The following DSG2 variants were observed in gnomAD, a reference collection of about 807,000 sequenced individuals.
The protein encoded by DSG2 is desmoglein 2.
Under a neutral mutation model 75.6 loss-of-function variants are expected in DSG2, and 45 were observed. The ratio of observed to expected loss-of-function variants is 0.60; its 90% confidence interval spans 0.47 to 0.76. The LOEUF is 0.76. Among genes scored for constraint, DSG2 ranks in the 30% least tolerant of loss-of-function variants. The pLI, the probability that DSG2 is intolerant of heterozygous loss-of-function variation, is 0.00. For synonymous variants in DSG2, 429 were observed against 483.9 expected (o/e 0.89, Z 1.49); for missense variants, 1,267 against 1,357.4 (o/e 0.93, Z 1.05).
At chr18:31,520,689 TA>T in intron 3 of DSG2, 113 bp from the exon 4 acceptor site, 2 of 1,150,572 alleles carry the variant, frequency 1.7e-6, no homozygotes, top group South Asian at 1.4e-5. Context: ...AAATTGTCCA[TA>T]AAAATATTTA....
At position 31,503,163 on chromosome 18, in the gene DSG2, A is replaced by G. The variant is rs551499814; in HGVS notation, c.45+4867A>G. Among the ~76,000 whole-genome samples the G allele has an allele frequency of 3.9e-5, 6 of 152,320 alleles. No homozygotes were observed. In the East Asian group the frequency reaches 1.2e-3, roughly 29 times the overall value. ...GCAATGTGCTAAACACTGGAGAACT[A>G]TAAAAAAGCCAGACATGTTCTGCCC... is the stretch of plus-strand genomic sequence containing the variant. On this transcript the variant is annotated intron_variant, in intron 1 of 14. Transcript: ENST00000261590.
rs2073020589 is a variant in DSG2, at chr18:31,502,801, GAAGA to G, written c.45+4509_45+4512del. ...GAAAGGAAGGGAGGGAGGGAGGAAG[GAAGA>G]AAGGAAGGAAGGAACTTTAACTGAA... On this transcript the variant is annotated intron_variant, in intron 1 of 14. Transcript: ENST00000261590. 4.6e-5 allele frequency among the ~76,000 whole-genome samples: 7 copies of G among 151,986 alleles called. No homozygotes were observed. In the South Asian group the frequency reaches 1.5e-3, roughly 32 times the overall value.
intron 1 of DSG2, among the ~76,000 whole-genome samples, chr18:31,500,036 T>TTAA (rs762858985): frequency 1.5e-4 from 17 of 110,946 alleles, no homozygotes; most frequent in Admixed American, 4.0e-4. Context: ...AGTTTTTTGG[T>TTAA]AAAAAAAAAA....
intron 6 of DSG2, among the ~76,000 whole-genome samples, chr18:31,524,079 T>G (rs148319942): frequency 1.1e-4 from 17 of 152,350 alleles, no homozygotes; most frequent in African/African-American, 4.1e-4. Context: ...CCAAGTTTAT[T>G]TAGGACCAGC....
At position 31,542,755 on chromosome 18, in the gene DSG2, A is replaced by G; in HGVS notation, c.2237A>G (p.Lys746Arg). The G allele has an allele frequency of 1.9e-6, 3 of 1,614,034 alleles. No individual in the cohort carries two copies. The change falls in exon 14 of 15, where the codon AAG becomes AGG. Residue 746 changes from lysine to arginine, a missense_variant. Coordinates refer to ENST00000261590, the MANE Select transcript of DSG2 (RefSeq NM_001943.5). Reference sequence around the variant, plus strand: ...GCTATCATGACCACTGAAACCACGAAGACCGCAAGGGCCACAGGGGCTTCC... The same window carrying G: ...GCTATCATGACCACTGAAACCACGAGGACCGCAAGGGCCACAGGGGCTTCC... The part of the protein sequence containing the change: ...TGAIMTTETT[K>R]TARATGASRD...
At chr18:31,519,201 C>T (rs1037336628) in intron 2 of DSG2, among the ~76,000 whole-genome samples, 8 of 152,276 alleles carry the variant, frequency 5.3e-5, no homozygotes, top group African/African-American at 1.9e-4. Context: ...TGTAAGGCTA[C>T]TAAATGATTC....
chr18:31,520,812 G>T lies in DSG2; in HGVS notation c.226G>T (p.Asp76Tyr). ...KKNPIAKIHS[D>Y]LAEERGLKIT... ...GTTATTTTTATGTTAGATACATTCTGATCTTGCAGAAGAAAGAGGACTCAA... is the reference window on the plus strand; with the variant it reads ...GTTATTTTTATGTTAGATACATTCTTATCTTGCAGAAGAAAGAGGACTCAA... Residue 76 changes from aspartate to tyrosine, a missense_variant, in exon 4 of 15, where the codon GAT becomes TAT. Physicochemically the swap from Asp to Tyr is radical, Grantham distance 160 (BLOSUM62 -3). Coordinates refer to ENST00000261590, the MANE Select transcript of DSG2 (RefSeq NM_001943.5). 1 of 1,613,506 alleles carries T rather than the reference G, an allele frequency of 6.2e-7. No individual in the cohort carries two copies. The highest frequency in any genetic ancestry group is 1.1e-5 in the South Asian group (1 of 91,012).
Position 31,498,409 on chromosome 18 carries a change from C to G in DSG2, c.45+113C>G, listed in dbSNP as rs528216197. On this transcript the variant is annotated intron_variant, in intron 1 of 14. Coordinates refer to ENST00000261590, the MANE Select transcript of DSG2 (RefSeq NM_001943.5). ...GCCCTTGTGCGCGTTACCTGCCCGGCGCTCCTTCCTGCTGCCCGAGGGGGG... is the reference window on the plus strand; with the variant it reads ...GCCCTTGTGCGCGTTACCTGCCCGGGGCTCCTTCCTGCTGCCCGAGGGGGG... 2.1e-4 allele frequency: 234 copies of G among 1,140,294 alleles called. 1 individual carries two copies. In the African/African-American group the frequency reaches 3.3e-3, roughly 16 times the overall value. 70.6% of individuals were successfully genotyped at this position (1,140,294 alleles called of 1,614,324 possible).
intron 12 of DSG2, 48 bp from the exon 13 acceptor site, chr18:31,541,145 A>C (rs1193244530): frequency 6.2e-7 from 1 of 1,613,418 alleles, no homozygotes; most frequent in South Asian, 1.1e-5. Flanking sequence ...TAAATTTAGA[A>C]ATATATCAAG....
intron 1 of DSG2, among the ~76,000 whole-genome samples, chr18:31,509,257 CT>C (rs1432480257): frequency 1.3e-5 from 2 of 152,162 alleles, no homozygotes; most frequent in African/African-American, 4.8e-5. Flanking sequence ...TTGTAACTAA[CT>C]TCAATATGAC....
intron 2 of DSG2, among the ~76,000 whole-genome samples, chr18:31,518,897 A>G (rs2073110519): frequency 6.6e-6 from 1 of 152,192 alleles, no homozygotes; most frequent in African/African-American, 2.4e-5. Context: ...GATAAAATAT[A>G]TATTCACCTG....
chr18:31,522,363 A>T, intron 6 of DSG2, 114 bp downstream of exon 6: 1 of 1,067,436 alleles, frequency 9.4e-7, no homozygotes, highest in South Asian at 1.4e-5. Context: ...CCATAGGATA[A>T]CTCTTGGAAT....
rs143169439 is a variant in DSG2 at position 31,543,035 on chromosome 18, G to T, written c.2334+183G>T. On this transcript the variant is annotated intron_variant, in intron 14 of 14. Transcript: ENST00000261590. ...AGAAATGGGACCCACAGAATCAGTC[G>T]GTGTTAGCTAAATTATGCTGCAGTA... The T allele has an allele frequency of 7.3e-3, 3,977 of 542,750 alleles. 28 individuals are homozygous for T. The highest frequency in any genetic ancestry group is 0.015 in the South Asian group (451 of 30,476). The allele number at this position is 542,750 out of a possible 1,614,324, so 33.6% of individuals were successfully genotyped here. A position where few individuals can be genotyped will look rare whatever the true frequency, so the allele number is the denominator to read the frequency against.
rs1270665092 is a variant in DSG2, at chr18:31,547,684, AAAAG to A, written c.*945_*948del. ...AGAGTGAGATTCCGTCTCAAAAAAA[AAAAG>A]AAAAGGAAAAAAAAATAGCATTATA... On this transcript the variant is annotated 3_prime_UTR_variant, in exon 15 of 15. Transcript: ENST00000261590. The A allele has an allele frequency of 1.3e-5, 2 of 151,818 alleles. No individual in the cohort carries two copies. The highest frequency in any genetic ancestry group is 4.9e-5 in the African/African-American group (2 of 41,126). The allele number at this position is 151,818 out of a possible 1,614,324, so 9.4% of individuals were successfully genotyped here.
intron 1 of DSG2, among the ~76,000 whole-genome samples, chr18:31,516,373 A>G (rs1044015186): frequency 6.6e-6 from 1 of 152,134 alleles, no homozygotes; most frequent in Non-Finnish European, 1.5e-5. Flanking sequence ...GAAGGAGAGG[A>G]TGACTGAAGA....
At chr18:31,517,285 G>A (rs1305490839) in intron 1 of DSG2, among the ~76,000 whole-genome samples, 1 of 152,144 alleles carries the variant, frequency 6.6e-6, no homozygotes, top group Non-Finnish European at 1.5e-5. Flanking sequence ...GGAGGTGGGG[G>A]AAGAAAAGAA....
Position 31,531,072 on chromosome 18 carries a change from A to G in DSG2, c.1100A>G (p.Lys367Arg), listed in dbSNP as rs1057518504. The G allele has an allele frequency of 1.2e-6, 2 of 1,614,168 alleles. No homozygotes were observed. Among genetic ancestry groups the G allele is most frequent in the Non-Finnish European group, 1.7e-6 (2 of 1,180,022 alleles). The change falls in exon 9 of 15, where the codon AAA becomes AGA. Residue 367 changes from lysine to arginine, a missense_variant. By Grantham distance (26) the Lys-to-Arg change is conservative. Coordinates refer to ENST00000261590, the MANE Select transcript of DSG2 (RefSeq NM_001943.5). The stretch of plus-strand genomic sequence containing the variant: ...GCTTTTCACAAGTCGATTAGGAGTA[A>G]ATACAAGCCTACACCCATTCCCATC... ...KAAFHKSIRS[K>R]YKPTPIPIKV...
intron 1 of DSG2, among the ~76,000 whole-genome samples, chr18:31,508,262 G>A (rs997250688): frequency 1.3e-5 from 2 of 152,038 alleles, no homozygotes; most frequent in Admixed American, 6.5e-5. Context: ...TACCTAAAGT[G>A]TTTTCCTACA....
At chr18:31,503,764 G>A (rs2073025689) in intron 1 of DSG2, among the ~76,000 whole-genome samples, 1 of 152,144 alleles carries the variant, frequency 6.6e-6, no homozygotes, top group Non-Finnish European at 1.5e-5. Context: ...TACCTGGGAG[G>A]GAGAAGCAGC....
Sources: allele counts gnomAD v4.1 joint callset (sites outside exome capture counted in the v4.1 genomes callset), GRCh38; gene constraint gnomAD v4.1.1; transcripts MANE v1.5; gene names NCBI Gene and HGNC (gene_info 2026-07-23, HGNC 2026-07-21).